Variants in CD160 observed in about 807,000 individuals in gnomAD.
The protein encoded by CD160 is CD160 molecule.
In CD160, 11 loss-of-function variants were observed where a neutral mutation model predicts 19.2. The ratio of observed to expected loss-of-function variants is 0.57; its 90% confidence interval spans 0.36 to 0.95. The LOEUF (loss-of-function observed/expected upper bound fraction) is 0.95, where lower values mean the gene tolerates loss of function less well. Ranked by LOEUF, CD160 falls within the 40% of genes least tolerant of loss-of-function variation. The pLI is 0.01. For synonymous variants in CD160, 75 were observed against 81.1 expected, an observed-to-expected ratio of 0.93 and a Z score of 0.40; for missense variants, 182 against 213.2, an observed-to-expected ratio of 0.85 and a Z score of 0.91.
rs193141418 is a variant in CD160 at position 145,736,152 on chromosome 1, G to A, written c.538+18G>A. 3.5e-4 allele frequency: 567 copies of A among 1,613,860 alleles called. 1 individual carries two copies. In the East Asian group the frequency reaches 4.3e-3, roughly 12 times the overall value. ...CCTTCAAGGTATGTCCAAAAGAGCC[G>A]TAAGCACCCCAAGCAATGAGGGTGC... On this transcript the variant is annotated intron_variant, in intron 5 of 5. Transcript: ENST00000369288.
intron 3 of CD160, among the ~76,000 whole-genome samples, chr1:145,729,222 A>G (rs587596276): frequency 6.6e-6 from 1 of 152,180 alleles, no homozygotes; most frequent in East Asian, 1.9e-4. Context: ...CATATCTCTT[A>G]CTCTTGTAGG....
intron 3 of CD160, among the ~76,000 whole-genome samples, chr1:145,729,407 G>T (rs80035484): frequency 2.0e-5 from 3 of 152,196 alleles, no homozygotes; most frequent in African/African-American, 7.2e-5. Context: ...AGCATCTGCC[G>T]GATGAGTTTT....
intron 2 of CD160, among the ~76,000 whole-genome samples, chr1:145,726,753 A>G (rs1486464912): frequency 6.6e-6 from 1 of 152,220 alleles, no homozygotes; most frequent in African/African-American, 2.4e-5. Context: ...TAATGGGTAA[A>G]AGATGACATT....
chr1:145,727,324 A>T (rs1043340420), intron 2 of CD160, among the ~76,000 whole-genome samples: 5 of 121,652 alleles, frequency 4.1e-5, no homozygotes, highest in Non-Finnish European at 8.4e-5. Flanking sequence ...TGTCACATAG[A>T]TTAATTGAAA....
rs1553709127 is a variant in CD160 at position 145,730,945 on chromosome 1, C to T, written c.275C>T (p.Ser92Leu). 6.2e-7 allele frequency: 1 copy of T among 1,613,878 alleles called. No homozygotes were observed. The highest frequency in any genetic ancestry group is 1.3e-5 in the African/African-American group (1 of 74,910). ...GGGATAGATGGTGTTGGTGAAATAT[C>T]ATCTCAGTTGATGTTCACCATAAGC... ...DPGIDGVGEI[S>L]SQLMFTISQV... Residue 92 changes from serine to leucine, a missense_variant, in exon 4 of 6, where the codon TCA becomes TTA. Coordinates refer to ENST00000369288, the MANE Select transcript of CD160 (RefSeq NM_007053.4).
chr1:145,725,771 G>A (rs1553708306), intron 2 of CD160, among the ~76,000 whole-genome samples: 1 of 151,890 alleles, frequency 6.6e-6, no homozygotes, highest in East Asian at 1.9e-4. Context: ...AAAAGACAGA[G>A]ATTCATTATT....
chr1:145,726,161 G>A (rs1657043711), intron 2 of CD160, among the ~76,000 whole-genome samples: 1 of 152,196 alleles, frequency 6.6e-6, no homozygotes, highest in African/African-American at 2.4e-5. Context: ...TTCAACCACT[G>A]TGGAAGACAG....
At chr1:145,731,259 A>T (rs1224562505) in intron 4 of CD160, among the ~76,000 whole-genome samples, 189 bp downstream of exon 4, 2 of 152,154 alleles carry the variant, frequency 1.3e-5, no homozygotes, top group African/African-American at 2.4e-5. Context: ...TTTTGTCTTT[A>T]ATTTTAGAAC....
At chr1:145,727,455 A>T (rs1657095268) in intron 2 of CD160, among the ~76,000 whole-genome samples, 1 of 152,142 alleles carries the variant, frequency 6.6e-6, no homozygotes, top group Non-Finnish European at 1.5e-5. Flanking sequence ...TAAAAAGTAA[A>T]ACAATAAAAA....
Position 145,728,409 on chromosome 1 carries a change from A to G in CD160, c.73+9A>G, listed in dbSNP as rs1553708677. 2 of 1,594,304 alleles carry G rather than the reference A, an allele frequency of 1.3e-6. No homozygotes were observed. Among genetic ancestry groups the G allele is most frequent in the South Asian group, 2.2e-5 (2 of 90,676 alleles). On this transcript the variant is annotated intron_variant, in intron 3 of 5. Transcript: ENST00000369288. Reference sequence around the variant, plus strand: ...GGACATCCAGTCTGGTGGTGAGGATAGACCCTAGAGCAGAGACGGCCATGG... The same window carrying G: ...GGACATCCAGTCTGGTGGTGAGGATGGACCCTAGAGCAGAGACGGCCATGG...
intron 2 of CD160, among the ~76,000 whole-genome samples, chr1:145,727,034 T>A (rs1417912557): frequency 6.6e-6 from 1 of 152,168 alleles, no homozygotes; most frequent in African/African-American, 2.4e-5. Context: ...AAGCTGATTA[T>A]AAAAATCAGA....
At chr1:145,736,215 A>G (rs1553710149) in intron 5 of CD160, 81 bp downstream of exon 5, 1 of 1,601,496 alleles carries the variant, frequency 6.2e-7, no homozygotes. Context: ...CTCCAGGAGG[A>G]GAAGGTTGGA....
At chr1:145,720,169 A>G (rs2101357331) in intron 1 of CD160, among the ~76,000 whole-genome samples, 1 of 152,362 alleles carries the variant, frequency 6.6e-6, no homozygotes, top group South Asian at 2.1e-4. Flanking sequence ...AAATGTCCTT[A>G]ACGCTCAGCA....
At chr1:145,725,961 T>C (rs993104978) in intron 2 of CD160, among the ~76,000 whole-genome samples, 1 of 151,996 alleles carries the variant, frequency 6.6e-6, no homozygotes, top group African/African-American at 2.4e-5. Flanking sequence ...GAGCTGGGTA[T>C]GAAATTAATA....
intron 3 of CD160, among the ~76,000 whole-genome samples, chr1:145,728,869 A>C (rs587767835): frequency 6.6e-6 from 1 of 152,134 alleles, no homozygotes; most frequent in East Asian, 1.9e-4. Flanking sequence ...TGTCTCTGCT[A>C]TATGTTTCAA....
chr1:145,727,359 A>G (rs1184704518), intron 2 of CD160, among the ~76,000 whole-genome samples: 2 of 152,092 alleles, frequency 1.3e-5, no homozygotes, highest in East Asian at 3.9e-4. Context: ...TTCCCTATTG[A>G]TGAAATTCAA....
At chr1:145,736,330 A>G (rs1553710199) in intron 5 of CD160, 196 bp downstream of exon 5, 1 of 1,505,450 alleles carries the variant, frequency 6.6e-7, no homozygotes, top group Non-Finnish European at 8.9e-7. Flanking sequence ...GAAGACAGAT[A>G]AATCAGACTT....
At chr1:145,736,286 A>G (rs781536352) in intron 5 of CD160, 152 bp downstream of exon 5, 291 of 1,552,398 alleles carry the variant, frequency 1.9e-4, no homozygotes, top group Non-Finnish European at 2.4e-4. Context: ...AGGAAAGTTC[A>G]AACCAGTTTC....
chr1:145,735,303 A>C (rs587676757), intron 4 of CD160, among the ~76,000 whole-genome samples: 2 of 152,074 alleles, frequency 1.3e-5, no homozygotes, highest in African/African-American at 4.8e-5. Context: ...ATCCAGATCT[A>C]GTCCAGGTGC....
Sources: allele counts gnomAD v4.1 joint callset (sites outside exome capture counted in the v4.1 genomes callset), GRCh38; gene constraint gnomAD v4.1.1; transcripts MANE v1.5; gene names NCBI Gene and HGNC (gene_info 2026-07-23, HGNC 2026-07-21).